CCDC141: variants seen among roughly 807,000 people sequenced by gnomAD.
CCDC141 encodes coiled-coil domain containing 141, also known as coiled-coil domain-containing protein 141.
In CCDC141, 168 loss-of-function variants were observed where a neutral mutation model predicts 181.0. The ratio of observed to expected loss-of-function variants is 0.93; its 90% CI spans 0.82 to 1.05. The LOEUF is 1.05. Ranked by LOEUF, CCDC141 falls within the 50% of genes least tolerant of loss-of-function variation. The probability of loss-of-function intolerance (pLI) is 0.00; values close to 1 mark genes in which losing one functional copy is unlikely to be tolerated. For missense variants in CCDC141, 1,902 were observed against 1,788.5 expected, an observed-to-expected ratio of 1.06 and a Z score of -1.14; for synonymous variants, 666 against 642.3, an observed-to-expected ratio of 1.04 and a Z score of -0.56.
intron 8 of CCDC141, among the ~76,000 whole-genome samples, chr2:178,901,320 C>A (rs1441853575): frequency 6.6e-6 from 1 of 152,054 alleles, no homozygotes; most frequent in Non-Finnish European, 1.5e-5. Flanking sequence ...GAATTTTAGG[C>A]GAATATCCTT....
At chr2:179,022,263 T>C (rs1003264556) in intron 2 of CCDC141, among the ~76,000 whole-genome samples, 7 of 152,132 alleles carry the variant, frequency 4.6e-5, no homozygotes, top group African/African-American at 1.7e-4. Flanking sequence ...CCATTGTGTG[T>C]TTTACTGGGG....
intron 2 of CCDC141, among the ~76,000 whole-genome samples, chr2:178,987,180 T>G (rs2154381887): frequency 7.3e-6 from 1 of 136,650 alleles, no homozygotes; most frequent in Non-Finnish European, 1.6e-5. Context: ...TACAACTATC[T>G]GATCTTTGAC....
chr2:178,834,501 T>C, intron 23 of CCDC141, 61 bp from the exon 24 acceptor site: 1 of 1,504,226 alleles, frequency 6.6e-7, no homozygotes. Flanking sequence ...ATTTCCAAGT[T>C]CTAATAATGC....
chr2:178,871,341 C>A (rs975536805), intron 14 of CCDC141, 86 bp downstream of exon 14: 1 of 1,399,336 alleles, frequency 7.1e-7, no homozygotes, highest in Non-Finnish European at 9.7e-7. Flanking sequence ...AATTCACCAG[C>A]CTGTTACAAT....
At chr2:178,966,837 G>A (rs1308095355) in intron 4 of CCDC141, among the ~76,000 whole-genome samples, 1 of 151,802 alleles carries the variant, frequency 6.6e-6, no homozygotes, top group African/African-American at 2.4e-5. Flanking sequence ...CCAATGCAAG[G>A]AAGCTAAGAA....
rs1690385039 is a variant in CCDC141 at position 178,961,290 on chromosome 2, T to A, written c.720A>T (p.Gln240His). The A allele has an allele frequency of 3.2e-6, 5 of 1,550,526 alleles. No individual in the cohort carries two copies. The highest frequency in any genetic ancestry group is 4.4e-6 in the Non-Finnish European group (5 of 1,146,916). Residue 240 changes from glutamine (Q) to histidine (H), a missense_variant, in exon 5 of 24, where the codon CAA becomes CAT. By Grantham distance (24) the Gln-to-His change is conservative. Transcript: ENST00000443758. ...GAACTTGACTCAATTCTTGCCACTG[T>A]TGCTTCAAGTACTTGTCTAGTTGTC... ...RRRQLDKYLK[Q>H]QWQELSQVLQ...
intron 16 of CCDC141, among the ~76,000 whole-genome samples, chr2:178,867,784 A>G (rs1193540467): frequency 1.3e-5 from 2 of 152,200 alleles, no homozygotes; most frequent in African/African-American, 4.8e-5. Flanking sequence ...TACTATATAA[A>G]TACTCTTTAA....
intron 4 of CCDC141, among the ~76,000 whole-genome samples, chr2:178,963,533 T>C (rs1690495931): frequency 6.6e-6 from 1 of 152,130 alleles, no homozygotes. Flanking sequence ...AGACTTGTGA[T>C]TAGTATAGCT....
intron 6 of CCDC141, among the ~76,000 whole-genome samples, chr2:178,923,436 G>C (rs998025641): frequency 7.9e-5 from 12 of 152,236 alleles, no homozygotes; most frequent in African/African-American, 2.4e-4. Context: ...AAACTTTCCA[G>C]AGCAATTTGA....
chr2:178,984,718 A>C (rs1691628076), intron 2 of CCDC141, among the ~76,000 whole-genome samples: 1 of 150,788 alleles, frequency 6.6e-6, no homozygotes, highest in South Asian at 2.1e-4. Context: ...AGAGACAAAG[A>C]AGGCCATTAC....
At chr2:178,977,761 G>A (rs1436933524) in intron 3 of CCDC141, among the ~76,000 whole-genome samples, 2 of 152,048 alleles carry the variant, frequency 1.3e-5, no homozygotes, top group African/African-American at 4.8e-5. Context: ...AAATGAATGG[G>A]CTGCCACCTG....
At chr2:179,011,476 A>T (rs1256953119) in intron 2 of CCDC141, among the ~76,000 whole-genome samples, 1 of 152,170 alleles carries the variant, frequency 6.6e-6, no homozygotes, top group Non-Finnish European at 1.5e-5. Flanking sequence ...TTATAAAACA[A>T]TTACTAATAG....
intron 7 of CCDC141, among the ~76,000 whole-genome samples, chr2:178,907,429 A>G (rs140282069): frequency 6.6e-4 from 101 of 152,360 alleles, no homozygotes; most frequent in African/African-American, 2.3e-3. Context: ...GGAAGACTTA[A>G]GAAGGAAGGG....
chr2:179,039,951 C>A (rs2043249857), intron 2 of CCDC141, among the ~76,000 whole-genome samples: 2 of 151,880 alleles, frequency 1.3e-5, no homozygotes, highest in South Asian at 4.1e-4. Context: ...TAATTTTTTT[C>A]TTTTCTAGAC....
intron 17 of CCDC141, among the ~76,000 whole-genome samples, chr2:178,865,365 T>C (rs1029988661): frequency 6.6e-6 from 1 of 151,862 alleles, no homozygotes; most frequent in African/African-American, 2.4e-5. Context: ...CAGGCTGGAG[T>C]TGGCTGCAAC....
In CCDC141 at chr2:178,865,913, A is replaced by C. The variant is rs1034477607; in HGVS notation, c.2578T>G (p.Cys860Gly). 1.3e-6 allele frequency: 2 copies of C among 1,535,488 alleles called. No individual in the cohort carries two copies. The highest frequency in any genetic ancestry group is 1.3e-5 in the South Asian group (1 of 78,264). The part of the protein sequence containing the change: ...DIISSVQRPH[C>G]SNVSAKNLQQ... ...AGGTTCTTTGCAGAAACATTAGAGCAGTGCTAAAAGAGACAAATGGTGGTA... is the reference window on the plus strand; with the variant it reads ...AGGTTCTTTGCAGAAACATTAGAGCCGTGCTAAAAGAGACAAATGGTGGTA... Residue 860 changes from cysteine (C) to glycine (G), a missense_variant, in exon 17 of 24, where the codon TGC becomes GGC. Transcript: ENST00000443758.
chr2:178,959,489 G>C (rs13414719), intron 5 of CCDC141, among the ~76,000 whole-genome samples: 86 of 152,210 alleles, frequency 5.7e-4, no homozygotes, highest in African/African-American at 2.0e-3. Flanking sequence ...AAGAACTTTG[G>C]AAACAGTTGT....
chr2:178,899,701 T>C (rs1687591426), intron 8 of CCDC141, among the ~76,000 whole-genome samples: 1 of 152,154 alleles, frequency 6.6e-6, no homozygotes, highest in African/African-American at 2.4e-5. Context: ...CACTCAGAAG[T>C]CTCAGAAGCT....
chr2:178,839,581 CAAA>C (rs58096328), intron 22 of CCDC141, among the ~76,000 whole-genome samples: 11,614 of 58,724 alleles, frequency 0.2, 628 homozygotes, highest in Middle Eastern at 0.29. Flanking sequence ...ACTTCGTCTC[CAAA>C]AAAAAAAAAA....
Sources: gnomAD v4.1 joint callset for allele counts (sites outside exome capture counted in the v4.1 genomes callset) on GRCh38, gnomAD v4.1.1 for gene constraint, MANE v1.5 for transcripts, NCBI Gene and HGNC (gene_info 2026-07-23, HGNC 2026-07-21) for gene names.